The following RNF24 variants were observed in gnomAD, a reference collection of about 807,000 sequenced individuals.
RNF24 encodes ring finger protein 24.
Under a neutral mutation model 20.0 loss-of-function variants are expected in RNF24, and 14 were observed. The observed-to-expected ratio is 0.70, with a 90% CI of 0.46 to 1.10. The LOEUF is 1.10. Among genes scored for constraint, RNF24 ranks in the 50% least tolerant of loss-of-function variants. RNF24 has a pLI of 0.00. For missense variants in RNF24, 124 were observed against 177.6 expected (o/e 0.70, Z 1.71); for synonymous variants, 45 against 61.1 (o/e 0.74, Z 1.23).
intron 4 of RNF24, among the ~76,000 whole-genome samples, chr20:3,939,962 A>C (rs2090935565): frequency 2.6e-5 from 4 of 152,060 alleles, no homozygotes. Flanking sequence ...AAACGAAAAA[A>C]AAATTTTTTT....
chr20:3,946,379 A>T (rs762164425), intron 3 of RNF24, among the ~76,000 whole-genome samples: 1 of 152,198 alleles, frequency 6.6e-6, no homozygotes, highest in South Asian at 2.1e-4. Context: ...ACCTGAGCCC[A>T]GGAGGCAGAG....
At chr20:3,971,438 C>A (rs764209339) in intron 1 of RNF24, among the ~76,000 whole-genome samples, 1 of 152,088 alleles carries the variant, frequency 6.6e-6, no homozygotes, top group Non-Finnish European at 1.5e-5. Context: ...AAGGAAGAAA[C>A]AACATGGTAA....
chr20:3,953,195 C>G (rs1231208366), intron 2 of RNF24, among the ~76,000 whole-genome samples: 2 of 152,152 alleles, frequency 1.3e-5, no homozygotes, highest in African/African-American at 4.8e-5. Context: ...CTCTGTCACC[C>G]AGCGTGGAGT....
chr20:3,953,787 C>T (rs2091110696), intron 2 of RNF24, among the ~76,000 whole-genome samples: 1 of 141,342 alleles, frequency 7.1e-6, no homozygotes, highest in Non-Finnish European at 1.5e-5. Context: ...GACAGAGTCT[C>T]ACTCTGTCGC....
At chr20:4,000,918 A>G (rs1169481289) in intron 1 of RNF24, among the ~76,000 whole-genome samples, 2 of 152,198 alleles carry the variant, frequency 1.3e-5, no homozygotes, top group Non-Finnish European at 2.9e-5. Flanking sequence ...GCTTTTCTGT[A>G]TATCACCCTG....
intron 4 of RNF24, among the ~76,000 whole-genome samples, chr20:3,941,297 G>T (rs2090952584): frequency 6.6e-6 from 1 of 152,156 alleles, no homozygotes; most frequent in Non-Finnish European, 1.5e-5. Context: ...AAACATGTCT[G>T]ATGGGGAAAA....
intron 3 of RNF24, among the ~76,000 whole-genome samples, 161 bp downstream of exon 3, chr20:3,948,076 T>C (rs1308979077): frequency 6.6e-6 from 1 of 151,772 alleles, no homozygotes; most frequent in Non-Finnish European, 1.5e-5. Flanking sequence ...GAAGAATACT[T>C]AAGAAAATGA....
At position 3,935,016 on chromosome 20, in the gene RNF24, A is replaced by G; in HGVS notation, c.286T>C (p.Cys96Arg). 2 of 1,614,038 alleles carry G rather than the reference A, an allele frequency of 1.2e-6. No homozygotes were observed. Among genetic ancestry groups the G allele is most frequent in the Non-Finnish European group, 1.7e-6 (2 of 1,179,896 alleles). Residue 96 changes from cysteine to arginine, a missense_variant, in exon 5 of 6, where the codon TGT becomes CGT. Cys to Arg is a radical substitution (Grantham distance 180). Transcript: ENST00000358395. Reference protein sequence around the residue: ...KPRDELGICPCKHAFHRKCLI... With the variant: ...KPRDELGICPRKHAFHRKCLI... ...TACTTTCTGTGGAAGGCGTGCTTAC[A>G]TGGGCAAATCCCCAACTCATCTCGA...
intron 1 of RNF24, among the ~76,000 whole-genome samples, chr20:3,979,683 TAAATAAAATA>T (rs201887866): frequency 6.6e-6 from 1 of 151,712 alleles, no homozygotes; most frequent in African/African-American, 2.4e-5. Flanking sequence ...CTCAAAAAAA[TAAATAAAATA>T]AAATAAAATA....
chr20:3,985,334 C>T (rs1413181168), intron 1 of RNF24, among the ~76,000 whole-genome samples: 1 of 152,204 alleles, frequency 6.6e-6, no homozygotes, highest in Admixed American at 6.5e-5. Flanking sequence ...AGCAATCCTC[C>T]TGCTTCAGCC....
intron 4 of RNF24, among the ~76,000 whole-genome samples, chr20:3,938,785 C>A (rs1336152855): frequency 6.6e-6 from 1 of 152,108 alleles, no homozygotes; most frequent in African/African-American, 2.4e-5. Flanking sequence ...GTCACCCAGG[C>A]TGGAGTGCAC....
Position 3,991,182 on chromosome 20 carries a change from TA to T in RNF24, c.-8+24254del, listed in dbSNP as rs796731127. 5.1e-4 allele frequency among the ~76,000 whole-genome samples: 77 copies of T among 151,644 alleles called. 2 individuals carry two copies. Among genetic ancestry groups the T allele is most frequent in the African/African-American group, 1.8e-3 (76 of 41,446 alleles). On this transcript the variant is annotated intron_variant, in intron 1 of 5. Transcript: ENST00000358395. ...TGTTAATGTTACCTATTAAAGAGAA[TA>T]AAAAATTTAATTGTAAATGGAATTG...
intron 1 of RNF24, among the ~76,000 whole-genome samples, chr20:3,991,166 T>C (rs942632095): frequency 1.3e-5 from 2 of 152,050 alleles, no homozygotes; most frequent in Non-Finnish European, 2.9e-5. Context: ...ATGTTAATGT[T>C]ACCTATTAAA....
intron 1 of RNF24, among the ~76,000 whole-genome samples, chr20:3,975,480 G>GA (rs1265115903): frequency 4.6e-5 from 7 of 151,798 alleles, no homozygotes; most frequent in Non-Finnish European, 8.8e-5. Flanking sequence ...TAAAGACTAG[G>GA]AAAAAAATAT....
chr20:3,962,271 A>C (rs2091210083), intron 2 of RNF24, among the ~76,000 whole-genome samples: 1 of 152,138 alleles, frequency 6.6e-6, no homozygotes, highest in African/African-American at 2.4e-5. Flanking sequence ...TGGGAGGATC[A>C]CTTGAGCCTA....
rs397756064 is a variant in RNF24 at position 3,980,967 on chromosome 20, T to TG, written c.-7-16944dup. Among the ~76,000 whole-genome samples, 660 of 79,568 alleles carry TG rather than the reference T, an allele frequency of 8.3e-3. 3 individuals carry two copies. Among genetic ancestry groups the TG allele is most frequent in the African/African-American group, 0.029 (595 of 20,512 alleles). The allele number at this position is 79,568 out of a possible 152,430, so 52.2% of individuals were successfully genotyped here. A position where few individuals can be genotyped will look rare whatever the true frequency, so the allele number is the denominator to read the frequency against. Reference sequence around the variant, plus strand: ...TGTTGCACAATTTGTGTGTGTGTGTTGGGGGGGGCAGGGGGAGGGGGCGGC... The same window carrying TG: ...TGTTGCACAATTTGTGTGTGTGTGTTGGGGGGGGGCAGGGGGAGGGGGCGGC... On this transcript the variant is annotated intron_variant, in intron 1 of 5. Transcript: ENST00000358395.
intron 1 of RNF24, among the ~76,000 whole-genome samples, chr20:3,973,590 T>C (rs1978587072): frequency 6.8e-6 from 1 of 147,866 alleles, no homozygotes; most frequent in Non-Finnish European, 1.5e-5. Context: ...ACTGCAGACA[T>C]CAAAAGGATA....
chr20:4,003,176 G>T (rs539660486), intron 1 of RNF24, among the ~76,000 whole-genome samples: 1 of 152,160 alleles, frequency 6.6e-6, no homozygotes, highest in South Asian at 2.1e-4. Flanking sequence ...TCACCATCTG[G>T]GACAGGCTGG....
chr20:4,006,334 A>G (rs1282181202), intron 1 of RNF24, among the ~76,000 whole-genome samples: 3 of 151,502 alleles, frequency 2.0e-5, no homozygotes, highest in Non-Finnish European at 4.4e-5. Context: ...GCACCACTGC[A>G]CTCCAGCCTG....
Sources: gnomAD v4.1 joint callset for allele counts (sites outside exome capture counted in the v4.1 genomes callset) on GRCh38, gnomAD v4.1.1 for gene constraint, MANE v1.5 for transcripts, NCBI Gene and HGNC (gene_info 2026-07-23, HGNC 2026-07-21) for gene names.